The following TRIM44 variants were observed in gnomAD, a reference collection of about 807,000 sequenced individuals.
The protein encoded by TRIM44 is tripartite motif-containing protein 44.
Under a neutral mutation model 37.4 loss-of-function variants are expected in TRIM44, and 13 were observed. The observed-to-expected ratio is 0.35, with a 90% CI of 0.23 to 0.55. TRIM44 has a LOEUF of 0.55. TRIM44 is among the 20% of genes least tolerant of loss of function. The pLI, the probability that TRIM44 is intolerant of heterozygous loss-of-function variation, is 0.89. For missense variants in TRIM44, 426 were observed against 437.2 expected (o/e 0.97, Z 0.23); for synonymous variants, 175 against 157.2 (o/e 1.11, Z -0.85).
chr11:35,770,008 C>T (rs1204928189), intron 4 of TRIM44, among the ~76,000 whole-genome samples: 1 of 152,148 alleles, frequency 6.6e-6, no homozygotes, highest in Non-Finnish European at 1.5e-5. Flanking sequence ...TTGATCCTAT[C>T]ACCCAGGTAG....
intron 4 of TRIM44, among the ~76,000 whole-genome samples, chr11:35,790,016 G>A (rs973130437): frequency 5.3e-5 from 8 of 152,110 alleles, no homozygotes; most frequent in Admixed American, 2.6e-4. Flanking sequence ...CAGAAGAGCC[G>A]GCTTCTGGAA....
rs147357459 is a variant in TRIM44, at chr11:35,726,541, C to T, written c.987+378C>T. On this transcript the variant is annotated intron_variant, in intron 3 of 4. Coordinates refer to ENST00000299413, the MANE Select transcript of TRIM44 (RefSeq NM_017583.6). The stretch of plus-strand genomic sequence containing the variant: ...ACAAATCATGAAGTAGAGCATAAAG[C>T]AGGCCAGAATGAAAGATTTTGGACT... 1.8e-3 allele frequency among the ~76,000 whole-genome samples: 276 copies of T among 152,184 alleles called. 14 individuals carry two copies. In the East Asian group the frequency reaches 0.031, roughly 17 times the overall value.
In TRIM44 at chr11:35,663,557, G is replaced by C; in HGVS notation, c.446G>C (p.Gly149Ala). ...GCCGAAGAAGACAACCAAGAAGAAG[G>C]GGAATCCGAGGCGGAGGGAGAAACT... ...SEAEEDNQEEGESEAEGETEA... is the reference protein window; with the variant it reads ...SEAEEDNQEEAESEAEGETEA... The change falls in exon 1 of 5, where the codon GGG becomes GCG. Residue 149 changes from glycine (G) to alanine (A), a missense_variant. By Grantham distance (60) the Gly-to-Ala change is moderately conservative. Around this residue, in one of 2 missense-constraint regions of TRIM44, gnomAD observed 331 missense variants for 303.0 expected, o/e 1.09. Transcript: ENST00000299413. The C allele has an allele frequency of 6.2e-7, 1 of 1,613,520 alleles. No individual in the cohort carries two copies. Among genetic ancestry groups the C allele is most frequent in the Non-Finnish European group, 8.5e-7 (1 of 1,179,768 alleles).
intron 4 of TRIM44, among the ~76,000 whole-genome samples, chr11:35,758,267 C>T (rs917560698): frequency 6.6e-6 from 1 of 152,132 alleles, no homozygotes; most frequent in Non-Finnish European, 1.5e-5. Context: ...CCTTCTTTGT[C>T]TCTTTTGATC....
intron 4 of TRIM44, among the ~76,000 whole-genome samples, chr11:35,751,547 T>C (rs2135529914): frequency 6.6e-6 from 1 of 152,316 alleles, no homozygotes; most frequent in South Asian, 2.1e-4. Context: ...ATCAGTCATA[T>C]AGGAGCAGTA....
intron 4 of TRIM44, among the ~76,000 whole-genome samples, chr11:35,770,995 G>A (rs950846050): frequency 1.3e-5 from 2 of 152,090 alleles, no homozygotes; most frequent in Middle Eastern, 3.2e-3. Flanking sequence ...TATCAGCAGC[G>A]TGAAAATGGA....
At chr11:35,745,501 A>C (rs1043496362) in intron 4 of TRIM44, among the ~76,000 whole-genome samples, 6 of 152,174 alleles carry the variant, frequency 3.9e-5, no homozygotes, top group African/African-American at 1.4e-4. Flanking sequence ...GTAAGTCCTC[A>C]CTTAACATCA....
chr11:35,735,355 A>T, intron 3 of TRIM44, 71 bp from the exon 4 acceptor site: 1 of 1,553,370 alleles, frequency 6.4e-7, no homozygotes, highest in Non-Finnish European at 8.9e-7. Context: ...AGGGGAGGGA[A>T]AAGAAAGAAA....
intron 2 of TRIM44, among the ~76,000 whole-genome samples, chr11:35,710,126 G>T (rs950731622): frequency 1.3e-5 from 2 of 152,154 alleles, no homozygotes; most frequent in Non-Finnish European, 2.9e-5. Context: ...GATTGTTACA[G>T]GCGCATACTC....
intron 4 of TRIM44, among the ~76,000 whole-genome samples, chr11:35,772,087 G>A (rs906733644): frequency 1.3e-5 from 2 of 152,180 alleles, no homozygotes; most frequent in African/African-American, 4.8e-5. Flanking sequence ...CGTAGAGCTC[G>A]GGCCTTGGCT....
intron 4 of TRIM44, among the ~76,000 whole-genome samples, chr11:35,756,661 T>C (rs1465564911): frequency 6.6e-6 from 1 of 152,220 alleles, no homozygotes; most frequent in Non-Finnish European, 1.5e-5. Context: ...ATAGCTCTTA[T>C]TATTTCAAGA....
At chr11:35,697,604 T>A (rs1331833320) in intron 2 of TRIM44, among the ~76,000 whole-genome samples, 1 of 151,716 alleles carries the variant, frequency 6.6e-6, no homozygotes, top group Admixed American at 6.6e-5. Flanking sequence ...CCCTCCCCGC[T>A]CCCCACACCC....
intron 4 of TRIM44, among the ~76,000 whole-genome samples, chr11:35,744,392 A>G (rs1299039804): frequency 6.6e-6 from 1 of 152,236 alleles, no homozygotes; most frequent in African/African-American, 2.4e-5. Flanking sequence ...TATATTAACT[A>G]GCTTTACGTA....
chr11:35,742,549 TATTA>T (rs991616672), intron 4 of TRIM44, among the ~76,000 whole-genome samples: 5 of 133,142 alleles, frequency 3.8e-5, no homozygotes, highest in African/African-American at 1.1e-4. Flanking sequence ...ATATTAATTA[TATTA>T]ATTGTATTAT....
At chr11:35,758,223 T>C (rs1041343085) in intron 4 of TRIM44, among the ~76,000 whole-genome samples, 9 of 152,240 alleles carry the variant, frequency 5.9e-5, no homozygotes, top group African/African-American at 2.2e-4. Flanking sequence ...TTAGCTCTTA[T>C]TGTTGAATTG....
intron 4 of TRIM44, among the ~76,000 whole-genome samples, chr11:35,798,019 C>T (rs138784785): frequency 4.5e-4 from 69 of 152,234 alleles, no homozygotes; most frequent in African/African-American, 1.4e-3. Context: ...CCAAGGTGGT[C>T]GGGGCACAGC....
At chr11:35,715,327 C>T (rs1852025305) in intron 2 of TRIM44, among the ~76,000 whole-genome samples, 1 of 151,892 alleles carries the variant, frequency 6.6e-6, no homozygotes, top group African/African-American at 2.4e-5. Flanking sequence ...TTGCTGTGTA[C>T]TTCACAGTTA....
chr11:35,761,094 G>A (rs377180959), intron 4 of TRIM44, among the ~76,000 whole-genome samples: 2 of 151,948 alleles, frequency 1.3e-5, no homozygotes, highest in Non-Finnish European at 2.9e-5. Context: ...TGTCCTTCAG[G>A]TTCATCTGTG....
chr11:35,722,898 T>C (rs1365258548), intron 2 of TRIM44, among the ~76,000 whole-genome samples: 2 of 152,216 alleles, frequency 1.3e-5, no homozygotes, highest in African/African-American at 2.4e-5. Flanking sequence ...AGTGTAGATT[T>C]GGATGCTTCT....
Sources: allele counts gnomAD v4.1 joint callset (sites outside exome capture counted in the v4.1 genomes callset), GRCh38; gene constraint gnomAD v4.1.1; regional missense constraint gnomAD v4.1.1; transcripts MANE v1.5; gene names NCBI Gene and HGNC (gene_info 2026-07-23, HGNC 2026-07-21).